The following NR3C2 variants were observed in gnomAD, a reference collection of about 807,000 sequenced individuals.
NR3C2 encodes nuclear receptor subfamily 3 group C member 2.
In NR3C2, 15 loss-of-function variants were observed where a neutral mutation model predicts 86.4. The ratio of observed to expected loss-of-function variants is 0.17; its 90% CI spans 0.12 to 0.27. The LOEUF (loss-of-function observed/expected upper bound fraction) is 0.27. Ranked by LOEUF, NR3C2 falls within the 10% of genes least tolerant of loss-of-function variation. The probability of loss-of-function intolerance (pLI) is 1.00; values close to 1 mark genes in which losing one functional copy is unlikely to be tolerated. For synonymous variants in NR3C2, 458 were observed against 450.5 expected, an observed-to-expected ratio of 1.02 and a Z score of -0.21; for missense variants, 960 against 1,195.6, an observed-to-expected ratio of 0.80 and a Z score of 2.91.
rs1489372823 is a variant in NR3C2 at position 148,435,292 on chromosome 4, G to A, written c.1569C>T (p.Phe523=). 2 of 1,614,050 alleles carry A rather than the reference G, an allele frequency of 1.2e-6. No individual in the cohort carries two copies. Among genetic ancestry groups the A allele is most frequent in the Non-Finnish European group, 1.7e-6 (2 of 1,180,042 alleles). Residue 523 remains phenylalanine, a synonymous_variant, in exon 2 of 9, where the codon TTC becomes TTT. Transcript: ENST00000358102. ...TACCTTGAGCACCAATCCTGTAGTGGAAGGACTGTCCACCTGAATTCACCC... is the reference window on the plus strand; with the variant it reads ...TACCTTGAGCACCAATCCTGTAGTGAAAGGACTGTCCACCTGAATTCACCC... ...IVGVNSGGQS[F]HYRIGAQGTI...
chr4:148,445,314 C>G (rs571635140), upstream of NR3C2, among the ~76,000 whole-genome samples: 110 of 151,716 alleles, frequency 7.3e-4, 1 homozygote, highest in Middle Eastern at 0.017. Flanking sequence ...CTGCCCACCC[C>G]GCCAGGCTGC....
chr4:148,210,162 C>T (rs963378513), intron 3 of NR3C2, among the ~76,000 whole-genome samples: 17 of 151,982 alleles, frequency 1.1e-4, no homozygotes, highest in African/African-American at 3.9e-4. Flanking sequence ...TGGTGTGATA[C>T]TTCACTAATT....
chr4:148,353,755 A>G (rs889421255), intron 2 of NR3C2, among the ~76,000 whole-genome samples: 3 of 152,180 alleles, frequency 2.0e-5, no homozygotes, highest in African/African-American at 7.2e-5. Flanking sequence ...TCTGTATGTG[A>G]GTCATATTAG....
chr4:148,139,494 G>A (rs1344837543), intron 6 of NR3C2, among the ~76,000 whole-genome samples: 1 of 152,186 alleles, frequency 6.6e-6, no homozygotes, highest in Non-Finnish European at 1.5e-5. Context: ...CAGGTAAGTG[G>A]AGACTGACAT....
In NR3C2 at chr4:148,327,021, C is replaced by T. The variant is rs1744002668; in HGVS notation, c.1758-66904G>A. On this transcript the variant is annotated intron_variant, in intron 2 of 8. Coordinates refer to ENST00000358102, the MANE Select transcript of NR3C2 (RefSeq NM_000901.5). ...GGATATACCATCCAAGAAAAGTCCA[C>T]GGTTGAATAAGAATTATTTTTGATT... Among the ~76,000 whole-genome samples, 4 of 152,020 alleles carry T rather than the reference C, an allele frequency of 2.6e-5. No homozygotes were observed. The South Asian group carries it at 8.3e-4, about 32-fold the overall frequency.
At chr4:148,321,985 A>C (rs1743625027) in intron 2 of NR3C2, among the ~76,000 whole-genome samples, 1 of 152,156 alleles carries the variant, frequency 6.6e-6, no homozygotes, top group Non-Finnish European at 1.5e-5. Flanking sequence ...GATGGTCTTT[A>C]CATTTTGGCA....
chr4:148,234,562 A>T (rs1391017462), intron 3 of NR3C2, among the ~76,000 whole-genome samples: 1 of 151,948 alleles, frequency 6.6e-6, no homozygotes, highest in Non-Finnish European at 1.5e-5. Flanking sequence ...ATGCGCCTGT[A>T]GTCCTAGCTA....
chr4:148,276,111 C>G (rs1740948363), intron 2 of NR3C2, among the ~76,000 whole-genome samples: 1 of 152,120 alleles, frequency 6.6e-6, no homozygotes, highest in Non-Finnish European at 1.5e-5. Context: ...TTTCACCTGA[C>G]TCAGAATCTT....
intron 2 of NR3C2, among the ~76,000 whole-genome samples, chr4:148,277,125 C>T (rs1172566142): frequency 6.6e-6 from 1 of 152,144 alleles, no homozygotes; most frequent in Non-Finnish European, 1.5e-5. Context: ...GGATATATAG[C>T]AGCAAACTGA....
intron 2 of NR3C2, among the ~76,000 whole-genome samples, chr4:148,309,155 G>A (rs956751474): frequency 2.6e-5 from 4 of 152,046 alleles, no homozygotes; most frequent in Non-Finnish European, 5.9e-5. Context: ...ATTATTATGT[G>A]TCAATTTAAA....
intron 2 of NR3C2, among the ~76,000 whole-genome samples, chr4:148,302,029 T>A (rs972378427): frequency 5.3e-5 from 8 of 152,220 alleles, no homozygotes; most frequent in Non-Finnish European, 1.0e-4. Flanking sequence ...ACCACAGAGA[T>A]AACCAGATTT....
chr4:148,191,253 C>T (rs1037967749), intron 4 of NR3C2, among the ~76,000 whole-genome samples: 1 of 152,140 alleles, frequency 6.6e-6, no homozygotes, highest in Non-Finnish European at 1.5e-5. Flanking sequence ...CTTAGTTTCA[C>T]TGGATACAAA....
chr4:148,086,342 G>A (rs547993605), intron 8 of NR3C2, among the ~76,000 whole-genome samples: 2 of 152,236 alleles, frequency 1.3e-5, no homozygotes, highest in African/African-American at 4.8e-5. Context: ...ATCAATAAAT[G>A]TAATCCATTA....
intron 2 of NR3C2, among the ~76,000 whole-genome samples, chr4:148,410,272 C>T (rs2126565004): frequency 1.3e-5 from 2 of 152,238 alleles, no homozygotes; most frequent in Middle Eastern, 3.4e-3. Flanking sequence ...CTCACCCATA[C>T]CATTCCAAGT....
intron 2 of NR3C2, among the ~76,000 whole-genome samples, chr4:148,290,421 A>T (rs1284649763): frequency 1.3e-5 from 2 of 152,094 alleles, no homozygotes; most frequent in Non-Finnish European, 2.9e-5. Context: ...GGACCCAACT[A>T]ATTTGTTTTT....
At chr4:148,130,985 A>AATGCC (rs1424842942) in intron 6 of NR3C2, among the ~76,000 whole-genome samples, 1 of 151,658 alleles carries the variant, frequency 6.6e-6, no homozygotes, top group Non-Finnish European at 1.5e-5. Flanking sequence ...CGCCCGCCAC[A>AATGCC]ATGCCTGGCT....
intron 7 of NR3C2, 41 bp downstream of exon 7, chr4:148,120,117 C>T: frequency 6.2e-7 from 1 of 1,613,096 alleles, no homozygotes; most frequent in Non-Finnish European, 8.5e-7. Flanking sequence ...GGAAGATGAT[C>T]TGGTAATATA....
chr4:148,185,381 T>G (rs1735843107), intron 4 of NR3C2, among the ~76,000 whole-genome samples: 2 of 152,188 alleles, frequency 1.3e-5, no homozygotes, highest in Admixed American at 1.3e-4. Flanking sequence ...AGCTCACTGT[T>G]CTCTTGATTT....
intron 2 of NR3C2, among the ~76,000 whole-genome samples, chr4:148,434,507 T>G (rs61759972): frequency 1.3e-5 from 2 of 152,338 alleles, no homozygotes; most frequent in African/African-American, 4.8e-5. Context: ...ATTTTAGATA[T>G]GCTGAGTCTT....
Sources: allele counts gnomAD v4.1 joint callset (sites outside exome capture counted in the v4.1 genomes callset), GRCh38; gene constraint gnomAD v4.1.1; transcripts MANE v1.5; gene names NCBI Gene and HGNC (gene_info 2026-07-23, HGNC 2026-07-21).